Variants in PPARGC1A observed in about 807,000 individuals in gnomAD.
PPARGC1A encodes PPARG coactivator 1 alpha.
Under a neutral mutation model 88.7 loss-of-function variants are expected in PPARGC1A, and 25 were observed. That is an observed-to-expected ratio of 0.28 (90% CI 0.21 to 0.39). The LOEUF is 0.39. Among genes scored for constraint, PPARGC1A ranks in the 10% least tolerant of loss-of-function variants. The pLI is 1.00. For missense variants in PPARGC1A, 880 were observed against 968.7 expected (o/e 0.91, Z 1.22); for synonymous variants, 363 against 355.6 (o/e 1.02, Z -0.24).
the PPARGC1A span, among the ~76,000 whole-genome samples, chr4:24,189,675 C>G: frequency 6.6e-6 from 1 of 152,150 alleles, no homozygotes; most frequent in African/African-American, 2.4e-5. Context: ...ACAATTTGTT[C>G]ATGTGGTGGG....
At chr4:24,192,215 T>G in the PPARGC1A span, among the ~76,000 whole-genome samples, 1 of 152,200 alleles carries the variant, frequency 6.6e-6, no homozygotes, top group Non-Finnish European at 1.5e-5. Context: ...AGCTCTGCAG[T>G]CCTCCAGACA....
chr4:24,323,204 AG>A, the PPARGC1A span, among the ~76,000 whole-genome samples: 3 of 152,254 alleles, frequency 2.0e-5, no homozygotes, highest in African/African-American at 7.2e-5. Context: ...AGCATGGGGG[AG>A]ATTTTCTAGT....
At chr4:23,879,407 G>T (rs1715468758) in intron 2 of PPARGC1A, among the ~76,000 whole-genome samples, 1 of 152,116 alleles carries the variant, frequency 6.6e-6, no homozygotes, top group Non-Finnish European at 1.5e-5. Context: ...AAGATAGAGG[G>T]CCCCTTTGTA....
the PPARGC1A span, among the ~76,000 whole-genome samples, chr4:24,227,872 T>A: frequency 6.6e-6 from 1 of 152,208 alleles, no homozygotes; most frequent in Non-Finnish European, 1.5e-5. Flanking sequence ...AGGCAAAAAA[T>A]AACTTACAGG....
chr4:24,172,924 G>T, the PPARGC1A span, among the ~76,000 whole-genome samples: 1 of 152,230 alleles, frequency 6.6e-6, no homozygotes, highest in South Asian at 2.1e-4. Context: ...AGTTGCTTTG[G>T]CATTTATCCA....
At chr4:23,907,261 T>A (rs1720153031), upstream of PPARGC1A, among the ~76,000 whole-genome samples, 1 of 152,188 alleles carries the variant, frequency 6.6e-6, no homozygotes, top group Admixed American at 6.5e-5. Context: ...AACCACTGAT[T>A]ATAACCGAGT....
the PPARGC1A span, among the ~76,000 whole-genome samples, chr4:24,409,705 T>C: frequency 4.7e-4 from 71 of 152,274 alleles, 1 homozygote; most frequent in Middle Eastern, 3.4e-3. Flanking sequence ...CTGACTAAAC[T>C]ATAAGACATG....
the PPARGC1A span, among the ~76,000 whole-genome samples, chr4:24,249,213 A>G: frequency 1.3e-5 from 2 of 152,190 alleles, no homozygotes; most frequent in African/African-American, 4.8e-5. Flanking sequence ...CTTCCCAGAT[A>G]TAAATAACCA....
At chr4:24,442,261 A>G in the PPARGC1A span, among the ~76,000 whole-genome samples, 1 of 152,186 alleles carries the variant, frequency 6.6e-6, no homozygotes, top group Non-Finnish European at 1.5e-5. Flanking sequence ...ATCTTGTATT[A>G]TATTTCTAAA....
At chr4:24,299,537 C>CTTTAAT in the PPARGC1A span, among the ~76,000 whole-genome samples, 1,059 of 152,196 alleles carry the variant, frequency 7.0e-3, 11 homozygotes, top group African/African-American at 0.024. Flanking sequence ...TCTCGTGCAG[C>CTTTAAT]CCTGCTGGGA....
the PPARGC1A span, among the ~76,000 whole-genome samples, chr4:23,964,120 C>T: frequency 6.6e-6 from 1 of 152,184 alleles, no homozygotes; most frequent in African/African-American, 2.4e-5. Context: ...ATTGCAAATG[C>T]TTCAATGGTG....
chr4:24,432,463 C>T, the PPARGC1A span, among the ~76,000 whole-genome samples: 1 of 152,094 alleles, frequency 6.6e-6, no homozygotes, highest in Non-Finnish European at 1.5e-5. Flanking sequence ...AAAGACTTAG[C>T]GCAAATCAGA....
At chr4:24,125,276 T>TC in the PPARGC1A span, among the ~76,000 whole-genome samples, 1 of 152,106 alleles carries the variant, frequency 6.6e-6, no homozygotes, top group Non-Finnish European at 1.5e-5. Context: ...TGCCAGGTCC[T>TC]CCCCCAATGA....
chr4:23,869,650 C>G (rs925553619), intron 2 of PPARGC1A, among the ~76,000 whole-genome samples: 10 of 129,212 alleles, frequency 7.7e-5, no homozygotes, highest in African/African-American at 3.1e-4. Flanking sequence ...TTATAAGAGT[C>G]TCCAAAGGAA....
the PPARGC1A span, among the ~76,000 whole-genome samples, chr4:23,966,491 G>C: frequency 1.3e-5 from 2 of 152,194 alleles, no homozygotes; most frequent in Admixed American, 6.5e-5. Context: ...TGCAATATGT[G>C]TTCGCTTTCA....
At chr4:24,154,047 C>T in the PPARGC1A span, among the ~76,000 whole-genome samples, 3 of 152,168 alleles carry the variant, frequency 2.0e-5, no homozygotes, top group South Asian at 6.2e-4. Flanking sequence ...AACTCACAAA[C>T]CCAAACCCAC....
chr4:23,978,967 C>A, the PPARGC1A span, among the ~76,000 whole-genome samples: 17 of 152,114 alleles, frequency 1.1e-4, no homozygotes, highest in Admixed American at 2.0e-4. Context: ...AACATAGAAA[C>A]AAGTTGCACC....
At chr4:23,854,537 T>C (rs1729851849) in intron 2 of PPARGC1A, among the ~76,000 whole-genome samples, 1 of 152,158 alleles carries the variant, frequency 6.6e-6, no homozygotes, top group Admixed American at 6.5e-5. Context: ...TGAGAGGCCA[T>C]ACAGTCCAAC....
the PPARGC1A span, among the ~76,000 whole-genome samples, chr4:24,446,860 A>T: frequency 6.6e-6 from 1 of 152,122 alleles, no homozygotes; most frequent in Admixed American, 6.6e-5. Context: ...TCGGCCTCCA[A>T]AAGTGCTGAG....
Sources: gnomAD v4.1 joint callset for allele counts (sites outside exome capture counted in the v4.1 genomes callset) on GRCh38, gnomAD v4.1.1 for gene constraint, MANE v1.5 for transcripts, NCBI Gene and HGNC (gene_info 2026-07-23, HGNC 2026-07-21) for gene names.